The following CAVIN1 variants were observed in gnomAD, a reference collection of about 807,000 sequenced individuals.
CAVIN1 encodes caveolae associated protein 1.
CAVIN1 carries 16 observed loss-of-function variants against 24.0 expected under a neutral mutation model. The ratio of observed to expected loss-of-function variants is 0.67; its 90% CI spans 0.45 to 1.01. The LOEUF is 1.01. Among genes scored for constraint, CAVIN1 ranks in the 50% least tolerant of loss-of-function variants. The pLI is 0.00. For missense variants in CAVIN1, 510 were observed against 551.7 expected, an observed-to-expected ratio of 0.92 and a Z score of 0.76; for synonymous variants, 256 against 256.4, an observed-to-expected ratio of 1.00 and a Z score of 0.02.
chr17:42,418,478 G>A (rs35510462), intron 1 of CAVIN1, among the ~76,000 whole-genome samples: 37,189 of 151,888 alleles, frequency 0.24, 4,806 homozygotes, highest in South Asian at 0.41. Context: ...TGATCCGCCC[G>A]CCTCAGCCTC....
At chr17:42,417,370 T>A (rs2085518163) in intron 1 of CAVIN1, among the ~76,000 whole-genome samples, 1 of 151,788 alleles carries the variant, frequency 6.6e-6, no homozygotes, top group South Asian at 2.1e-4. Context: ...AGAAGAACAA[T>A]TGTTTGAACC....
intron 1 of CAVIN1, among the ~76,000 whole-genome samples, chr17:42,408,092 G>A (rs544019322): frequency 5.0e-4 from 76 of 151,974 alleles, no homozygotes; most frequent in African/African-American, 1.7e-3. Flanking sequence ...ACCCACCCAC[G>A]CCCCACCAAA....
chr17:42,412,321 G>A (rs941834007), intron 1 of CAVIN1: 2 of 983,034 alleles, frequency 2.0e-6, no homozygotes, highest in African/African-American at 3.5e-5. Context: ...AAAGGGCCTT[G>A]GTGGCATGCA....
rs1163285376 is a variant in CAVIN1, at chr17:42,422,893, G to T, written c.205C>A (p.Gln69Lys). The change falls in exon 1 of 2, where the codon CAG becomes AAG. Residue 69 changes from glutamine (Q) to lysine (K), a missense_variant. Physicochemically the swap from Gln to Lys is moderately conservative, Grantham distance 53. Coordinates refer to ENST00000357037, the MANE Select transcript of CAVIN1 (RefSeq NM_012232.6). ...TCCTCCAGCTGTGCTTGAGTCAGCT[G>T]GATCTGGTCTACGGCCCCGATGATT... ...DKIIGAVDQI[Q>K]LTQAQLEERQ... The T allele has an allele frequency of 6.2e-7, 1 of 1,614,130 alleles. No individual in the cohort carries two copies.
At position 42,405,682 on chromosome 17, in the gene CAVIN1, G is replaced by GTTTT. The variant is rs531661585; in HGVS notation, c.472-298_472-295dup. On this transcript the variant is annotated intron_variant, in intron 1 of 1. Coordinates refer to ENST00000357037, the MANE Select transcript of CAVIN1 (RefSeq NM_012232.6). ...CCATTCTTTCTCTCTCTCTCTCCTT[G>GTTTT]TTTTTTTTTTTTTTTTTTTTTTTAA... Among the ~76,000 whole-genome samples the GTTTT allele has an allele frequency of 8.6e-3, 495 of 57,620 alleles. 10 individuals are homozygous for GTTTT. Among genetic ancestry groups the GTTTT allele is most frequent in the Middle Eastern group, 0.038 (4 of 104 alleles). 37.8% of individuals were successfully genotyped at this position (57,620 alleles called of 152,430 possible). A position where few individuals can be genotyped will look rare whatever the true frequency, so the allele number is the denominator to read the frequency against.
At chr17:42,418,229 CTTTTTTT>C (rs555569816) in intron 1 of CAVIN1, among the ~76,000 whole-genome samples, 1 of 129,478 alleles carries the variant, frequency 7.7e-6, no homozygotes, top group East Asian at 2.2e-4. Context: ...ACTGTATTTC[CTTTTTTT>C]TTTTTTTTTT....
Position 42,414,762 on chromosome 17 carries a change from T to C in CAVIN1, c.471+7865A>G, listed in dbSNP as rs1282612530. ...AGTCTCAAAAAAACAAAGCAGCAGG[T>C]CCCAACCTCCCCTGCAGGGTACAAG... On this transcript the variant is annotated intron_variant, in intron 1 of 1. Transcript: ENST00000357037. Among the ~76,000 whole-genome samples the C allele has an allele frequency of 5.9e-5, 9 of 151,826 alleles. No homozygotes were observed. The East Asian group carries it at 9.7e-4, about 16-fold the overall frequency.
At chr17:42,406,981 G>A (rs1000832156) in intron 1 of CAVIN1, among the ~76,000 whole-genome samples, 2 of 152,158 alleles carry the variant, frequency 1.3e-5, no homozygotes, top group African/African-American at 4.8e-5. Context: ...CAGGGGTCTA[G>A]GAGTAGGATG....
At position 42,409,473 on chromosome 17, in the gene CAVIN1, A is replaced by G. The variant is rs112651107; in HGVS notation, c.472-4085T>C. Among the ~76,000 whole-genome samples, 378 of 152,122 alleles carry G rather than the reference A, an allele frequency of 2.5e-3. 1 individual carries two copies. The highest frequency in any genetic ancestry group is 4.6e-3 in the Non-Finnish European group (315 of 67,966). ...GGATCTGGGGGCTCTAACCCCATTC[A>G]TCGTAGGCTTCCCCTGGAGTGACGG... On this transcript the variant is annotated intron_variant, in intron 1 of 1. Transcript: ENST00000357037.
rs1384181427 is a variant in CAVIN1 at position 42,422,960 on chromosome 17, C to T, written c.138G>A (p.Ser46=). 2 of 1,613,862 alleles carry T rather than the reference C, an allele frequency of 1.2e-6. No individual in the cohort carries two copies. Among genetic ancestry groups the T allele is most frequent in the African/African-American group, 1.3e-5 (1 of 74,938 alleles). The change falls in exon 1 of 2, where the codon TCG becomes TCA. Residue 46 remains serine, a synonymous_variant. Coordinates refer to ENST00000357037, the MANE Select transcript of CAVIN1 (RefSeq NM_012232.6). ...SGAGSEELIK[S]DQVNGVLVLS... is the part of the protein sequence containing the mutation. ...GCACCAGCACGCCGTTCACCTGGTC[C>T]GACTTGATCAGCTCTTCTGAGCCGG...
rs2145490373 is a variant in CAVIN1, at chr17:42,422,758, C to T, written c.340G>A (p.Val114Met). The T allele has an allele frequency of 6.2e-7, 1 of 1,612,966 alleles. No individual in the cohort carries two copies. Among genetic ancestry groups the T allele is most frequent in the East Asian group, 2.2e-5 (1 of 44,844 alleles). ...TTCACGTTGACGCTGACCTTGCGCACCTTCTCCAGCAGCTTGCTCACCGTA... is the reference window on the plus strand; with the variant it reads ...TTCACGTTGACGCTGACCTTGCGCATCTTCTCCAGCAGCTTGCTCACCGTA... ...SNTVSKLLEK[V>M]RKVSVNVKTV... Residue 114 changes from valine to methionine, a missense_variant, in exon 1 of 2, where the codon GTG becomes ATG. Physicochemically the swap from Val to Met is conservative, Grantham distance 21 (BLOSUM62 1). Transcript: ENST00000357037.
chr17:42,418,884 C>CT (rs35470081), intron 1 of CAVIN1, among the ~76,000 whole-genome samples: 37,183 of 151,946 alleles, frequency 0.24, 4,801 homozygotes, highest in South Asian at 0.41. Context: ...AAAATAAAGC[C>CT]TTTTAAGTTT....
Position 42,404,086 on chromosome 17 carries a change from T to C in CAVIN1, c.*601A>G, listed in dbSNP as rs746664203. On this transcript the variant is annotated 3_prime_UTR_variant, in exon 2 of 2. Transcript: ENST00000357037. ...CCAGGGCTTCTCTTGGCTCCAGCGT[T>C]CCTCTGGGACCCTCTGCAGATACAG... The C allele has an allele frequency of 1.3e-5, 2 of 153,124 alleles. No individual in the cohort carries two copies. The highest frequency in any genetic ancestry group is 2.9e-5 in the Non-Finnish European group (2 of 68,668). 9.5% of individuals were successfully genotyped at this position (153,124 alleles called of 1,614,324 possible). A position where few individuals can be genotyped will look rare whatever the true frequency, so the allele number is the denominator to read the frequency against.
At chr17:42,411,207 A>AAAAAAAAAAAAAAC (rs758609413) in intron 1 of CAVIN1, among the ~76,000 whole-genome samples, 184 of 127,504 alleles carry the variant, frequency 1.4e-3, no homozygotes, top group Middle Eastern at 4.5e-3. Flanking sequence ...AAAAAAAAAA[A>AAAAAAAAAAAAAAC]AACTAAAAGG....
intron 1 of CAVIN1, among the ~76,000 whole-genome samples, chr17:42,406,990 T>C (rs1471204559): frequency 1.3e-5 from 2 of 152,136 alleles, no homozygotes; most frequent in African/African-American, 4.8e-5. Flanking sequence ...AGGAGTAGGA[T>C]GGGTGGTCTC....
rs374673698 is a variant in CAVIN1, at chr17:42,408,018, G to GTA, written c.472-2632_472-2631dup. ...CACCCAGAATTTACCTGCAGCCCCA[G>GTA]TATATATATATATTAAAAAAAATTC... On this transcript the variant is annotated intron_variant, in intron 1 of 1. Transcript: ENST00000357037. Among the ~76,000 whole-genome samples the GTA allele has an allele frequency of 1.1e-4, 17 of 151,364 alleles. No homozygotes were observed. The South Asian group carries it at 1.5e-3, about 13-fold the overall frequency.
At chr17:42,408,254 C>T (rs1054194065) in intron 1 of CAVIN1, among the ~76,000 whole-genome samples, 2 of 152,026 alleles carry the variant, frequency 1.3e-5, no homozygotes, top group African/African-American at 4.8e-5. Flanking sequence ...CAGCATCCCC[C>T]GCTTCTCCCC....
rs552469471 is a variant in CAVIN1 at position 42,418,651 on chromosome 17, G to A, written c.471+3976C>T. 5.9e-5 allele frequency among the ~76,000 whole-genome samples: 9 copies of A among 152,208 alleles called. No individual in the cohort carries two copies. The South Asian group carries it at 8.3e-4, about 14-fold the overall frequency. On this transcript the variant is annotated intron_variant, in intron 1 of 1. Coordinates refer to ENST00000357037, the MANE Select transcript of CAVIN1 (RefSeq NM_012232.6). The stretch of plus-strand genomic sequence containing the variant: ...TTAGATAGAAGGAATAAGATCTAAC[G>A]TTCAGTAGCACAATAGGGTGATAGA...
intron 1 of CAVIN1, among the ~76,000 whole-genome samples, chr17:42,421,879 C>T (rs1039988492): frequency 6.6e-6 from 1 of 152,094 alleles, no homozygotes; most frequent in Non-Finnish European, 1.5e-5. Context: ...TCCACCAGCC[C>T]CTCTTGCACT....
Sources: allele counts gnomAD v4.1 joint callset (sites outside exome capture counted in the v4.1 genomes callset), GRCh38; gene constraint gnomAD v4.1.1; transcripts MANE v1.5; gene names NCBI Gene and HGNC (gene_info 2026-07-23, HGNC 2026-07-21).